The following POU2F1 variants were observed in gnomAD, a reference collection of about 807,000 sequenced individuals.
POU2F1 encodes POU domain, class 2, transcription factor 1.
Under a neutral mutation model 84.9 loss-of-function variants are expected in POU2F1, and 16 were observed. That is an observed-to-expected ratio of 0.19 (90% CI 0.13 to 0.29). The LOEUF (loss-of-function observed/expected upper bound fraction) is 0.29. Among genes scored for constraint, POU2F1 ranks in the 10% least tolerant of loss-of-function variants. The pLI is 1.00. For synonymous variants in POU2F1, 368 were observed against 368.3 expected (o/e 1.00, Z 0.01); for missense variants, 738 against 942.6 (o/e 0.78, Z 2.84).
At chr1:167,387,044 G>C in intron 8 of POU2F1, 4 of 394,358 alleles carry the variant, frequency 1.0e-5, no homozygotes, top group Non-Finnish European at 2.0e-5. Flanking sequence ...TATGCTGAAT[G>C]CAAGAGTGAG....
rs896522760 is a variant in POU2F1 at position 167,281,621 on chromosome 1, T to C, written c.62-50849T>C. Among the ~76,000 whole-genome samples the C allele has an allele frequency of 7.2e-5, 11 of 152,160 alleles. 1 individual carries two copies. Among genetic ancestry groups the C allele is most frequent in the African/African-American group, 2.7e-4 (11 of 41,440 alleles). On this transcript the variant is annotated intron_variant, in intron 1 of 15. Coordinates refer to ENST00000367866, the MANE Select transcript of POU2F1 (RefSeq NM_002697.4). ...CAGCATTTGCCTCATTTGAACATGG[T>C]TCAAACAGTTGACTACATTTGATTG... is the stretch of plus-strand genomic sequence containing the variant.
At chr1:167,395,351 T>TA (rs1306707780) in intron 9 of POU2F1, among the ~76,000 whole-genome samples, 2 of 152,228 alleles carry the variant, frequency 1.3e-5, no homozygotes, top group African/African-American at 4.8e-5. Context: ...ATTTCTATGA[T>TA]GGTTACAAAA....
At chr1:167,249,390 AC>A (rs1650563726) in intron 1 of POU2F1, among the ~76,000 whole-genome samples, 1 of 152,214 alleles carries the variant, frequency 6.6e-6, no homozygotes, top group African/African-American at 2.4e-5. Context: ...TTATGAGGAA[AC>A]TTGCTAGGCA....
intron 2 of POU2F1, among the ~76,000 whole-genome samples, chr1:167,354,645 G>C (rs530837140): frequency 2.7e-4 from 41 of 152,144 alleles, no homozygotes; most frequent in Non-Finnish European, 4.7e-4. Flanking sequence ...CTGCCAGCCA[G>C]TTTTCCAGAG....
At chr1:167,320,008 A>T (rs1161535016) in intron 1 of POU2F1, among the ~76,000 whole-genome samples, 1 of 152,250 alleles carries the variant, frequency 6.6e-6, no homozygotes, top group Non-Finnish European at 1.5e-5. Context: ...CAACTAGGCA[A>T]TCAGCCATTT....
intron 13 of POU2F1, among the ~76,000 whole-genome samples, chr1:167,404,379 T>C (rs1405668556): frequency 6.6e-6 from 1 of 152,160 alleles, no homozygotes; most frequent in African/African-American, 2.4e-5. Context: ...TCCCCTCCCC[T>C]GAATGGAAGG....
At chr1:167,378,282 C>G (rs1485437835) in intron 7 of POU2F1, among the ~76,000 whole-genome samples, 2 of 152,216 alleles carry the variant, frequency 1.3e-5, no homozygotes, top group South Asian at 2.1e-4. Context: ...GTTGCCCAGG[C>G]TGGAGTGCAA....
At chr1:167,326,831 A>G (rs976839519) in intron 1 of POU2F1, among the ~76,000 whole-genome samples, 16 of 152,252 alleles carry the variant, frequency 1.1e-4, no homozygotes, top group Admixed American at 1.0e-3. Context: ...CTTAGCTAAT[A>G]TATGAAAGAC....
intron 15 of POU2F1, among the ~76,000 whole-genome samples, chr1:167,415,206 G>A (rs1382492552): frequency 6.6e-6 from 1 of 152,192 alleles, no homozygotes; most frequent in Non-Finnish European, 1.5e-5. Flanking sequence ...AAATAAACTG[G>A]TGATTTCAAG....
At chr1:167,270,899 C>A (rs936069254) in intron 1 of POU2F1, among the ~76,000 whole-genome samples, 2 of 152,186 alleles carry the variant, frequency 1.3e-5, no homozygotes, top group Non-Finnish European at 2.9e-5. Context: ...CTGAATGTTT[C>A]TCTATGCTAA....
At chr1:167,410,141 C>G (rs1276783929) in intron 13 of POU2F1, among the ~76,000 whole-genome samples, 1 of 152,060 alleles carries the variant, frequency 6.6e-6, no homozygotes, top group Non-Finnish European at 1.5e-5. Flanking sequence ...GGGGCAGTGG[C>G]AATAAAAATA....
chr1:167,426,550 C>T lies in POU2F1; in HGVS notation c.*10740C>T, dbSNP rs369486735. On this transcript the variant is annotated 3_prime_UTR_variant, in exon 16 of 16. Coordinates refer to ENST00000367866, the MANE Select transcript of POU2F1 (RefSeq NM_002697.4). ...TGTTTTCTTTTAAAGAGACAGTGAT[C>T]GTGTTTTTCTAAAGATGTTTTCTTT... 7 of 152,280 alleles carry T rather than the reference C, an allele frequency of 4.6e-5. No individual in the cohort carries two copies. Among genetic ancestry groups the T allele is most frequent in the Admixed American group, 2.0e-4 (3 of 15,298 alleles). The allele number at this position is 152,280 out of a possible 1,614,324, so 9.4% of individuals were successfully genotyped here.
chr1:167,398,226 A>T (rs1481186906), intron 11 of POU2F1, 93 bp downstream of exon 11: 2 of 1,415,530 alleles, frequency 1.4e-6, no homozygotes, highest in Non-Finnish European at 1.9e-6. Flanking sequence ...AAAAGATGAC[A>T]TGTCAGCCTC....
At chr1:167,349,439 G>A (rs879657127) in intron 2 of POU2F1, among the ~76,000 whole-genome samples, 2 of 152,040 alleles carry the variant, frequency 1.3e-5, no homozygotes, top group Non-Finnish European at 1.5e-5. Flanking sequence ...ATTTGTATCT[G>A]ATATTCAATA....
At chr1:167,286,580 A>G (rs1168703597) in intron 1 of POU2F1, among the ~76,000 whole-genome samples, 1 of 152,192 alleles carries the variant, frequency 6.6e-6, no homozygotes. Flanking sequence ...CACTGAGGTA[A>G]TAAGTTATTG....
rs2101958623 is a variant in POU2F1 at position 167,417,773 on chromosome 1, C to T, written c.*1963C>T. On this transcript the variant is annotated 3_prime_UTR_variant, in exon 16 of 16. Coordinates refer to ENST00000367866, the MANE Select transcript of POU2F1 (RefSeq NM_002697.4). The stretch of plus-strand genomic sequence containing the variant: ...GAGCTTGGATTCTGTGTACTTGTCT[C>T]TTTCCCATTGTCCAGTAAGGCAGTA... 1 of 152,312 alleles carries T rather than the reference C, an allele frequency of 6.6e-6. No homozygotes were observed. The highest frequency in any genetic ancestry group is 1.9e-4 in the East Asian group (1 of 5,190). 9.4% of individuals were successfully genotyped at this position (152,312 alleles called of 1,614,324 possible).
chr1:167,341,113 T>A (rs1657820040), intron 2 of POU2F1, among the ~76,000 whole-genome samples: 1 of 152,160 alleles, frequency 6.6e-6, no homozygotes, highest in Non-Finnish European at 1.5e-5. Context: ...TTCCATTATG[T>A]CATCTGATTT....
intron 1 of POU2F1, among the ~76,000 whole-genome samples, chr1:167,309,611 G>A (rs1655320159): frequency 6.6e-6 from 1 of 151,982 alleles, no homozygotes; most frequent in Non-Finnish European, 1.5e-5. Flanking sequence ...AAGTAAATTG[G>A]ACAAATTTGC....
In POU2F1 at chr1:167,383,912, C is replaced by T. The variant is rs1410459757; in HGVS notation, c.774C>T (p.Asn258=). 1.2e-6 allele frequency: 2 copies of T among 1,613,758 alleles called. No individual in the cohort carries two copies. Among genetic ancestry groups the T allele is most frequent in the Non-Finnish European group, 1.7e-6 (2 of 1,179,866 alleles). ...AACTACCTCAGCAAAGCCAAGCCAA[C>T]CTCCTACAGTCGCAGCCAAGCATCA... ...LTQLPQQSQA[N]LLQSQPSITL... Residue 258 remains asparagine, a synonymous_variant, in exon 8 of 16, where the codon AAC becomes AAT. Transcript: ENST00000367866.
Sources: allele counts gnomAD v4.1 joint callset (sites outside exome capture counted in the v4.1 genomes callset), GRCh38; gene constraint gnomAD v4.1.1; transcripts MANE v1.5; gene names NCBI Gene and HGNC (gene_info 2026-07-23, HGNC 2026-07-21).